The following MCU variants were observed in gnomAD, a reference collection of about 807,000 sequenced individuals.
MCU encodes calcium uniporter protein, mitochondrial.
In MCU, 12 loss-of-function variants were observed where a neutral mutation model predicts 45.2. The ratio of observed to expected loss-of-function variants is 0.27; its 90% confidence interval spans 0.17 to 0.43. The LOEUF (loss-of-function observed/expected upper bound fraction) is 0.43. Ranked by LOEUF, MCU falls within the 20% of genes least tolerant of loss-of-function variation. The probability of loss-of-function intolerance (pLI) is 1.00; values close to 1 mark genes in which losing one functional copy is unlikely to be tolerated. For missense variants in MCU, 324 were observed against 436.7 expected (o/e 0.74, Z 2.30); for synonymous variants, 160 against 165.1 (o/e 0.97, Z 0.24).
At chr10:72,876,466 G>T (rs1193827718) in intron 6 of MCU, among the ~76,000 whole-genome samples, 1 of 152,030 alleles carries the variant, frequency 6.6e-6, no homozygotes, top group East Asian at 1.9e-4. Context: ...GACTAATCTA[G>T]ACCTTTATCC....
intron 1 of MCU, among the ~76,000 whole-genome samples, chr10:72,755,559 T>G (rs879620315): frequency 2.0e-5 from 3 of 152,214 alleles, no homozygotes; most frequent in Admixed American, 6.5e-5. Context: ...GTTAAATACA[T>G]GAAGCATTTA....
In MCU at chr10:72,692,279, G is replaced by C. The variant is rs565812664; in HGVS notation, c.128G>C (p.Arg43Pro). The C allele has an allele frequency of 1.1e-3, 1,324 of 1,226,558 alleles. 12 individuals are homozygous for C. In the African/African-American group the frequency reaches 0.019, roughly 18 times the overall value. The allele number at this position is 1,226,558 out of a possible 1,614,324, so 76.0% of individuals were successfully genotyped here. A position where few individuals can be genotyped will look rare whatever the true frequency, so the allele number is the denominator to read the frequency against. Residue 43 changes from arginine (R) to proline (P), a missense_variant, in exon 1 of 8, where the codon CGG (arginine) becomes CCG (proline). Arg to Pro is a moderately radical substitution (Grantham distance 103). Coordinates refer to ENST00000373053, the MANE Select transcript of MCU (RefSeq NM_138357.3). ...CCTGGGCTGGGCGTCAGCCGCCACC[G>C]GCAGCAGCAGCACCACCGGACGGTG... The part of the protein sequence containing the change: ...CFPGLGVSRH[R>P]QQQHHRTVHQ...
intron 1 of MCU, among the ~76,000 whole-genome samples, chr10:72,826,613 G>A (rs1379142533): frequency 6.6e-6 from 1 of 152,068 alleles, no homozygotes; most frequent in Non-Finnish European, 1.5e-5. Context: ...TATCAAAAAG[G>A]GCAGCCAAAT....
chr10:72,841,184 T>G (rs1845042102), intron 2 of MCU, among the ~76,000 whole-genome samples: 1 of 152,170 alleles, frequency 6.6e-6, no homozygotes, highest in East Asian at 1.9e-4. Context: ...GTTGACACAA[T>G]TAAAGAAAAA....
At chr10:72,761,995 G>A (rs1451183110) in intron 1 of MCU, among the ~76,000 whole-genome samples, 1 of 152,114 alleles carries the variant, frequency 6.6e-6, no homozygotes, top group African/African-American at 2.4e-5. Flanking sequence ...TTTATCCAAA[G>A]TGATTTGTCC....
At chr10:72,852,037 C>G (rs1412123837) in intron 2 of MCU, among the ~76,000 whole-genome samples, 1 of 152,092 alleles carries the variant, frequency 6.6e-6, no homozygotes, top group Admixed American at 6.6e-5. Flanking sequence ...CTCACAGATT[C>G]TATCTCGTAT....
At chr10:72,715,124 A>G (rs2132665600) in intron 1 of MCU, 2 of 978,926 alleles carry the variant, frequency 2.0e-6, no homozygotes, top group Non-Finnish European at 1.2e-6. Flanking sequence ...TTTCACTACC[A>G]TTCCTACAGT....
intron 1 of MCU, among the ~76,000 whole-genome samples, chr10:72,822,898 A>G (rs576026653): frequency 6.6e-6 from 1 of 152,320 alleles, no homozygotes; most frequent in East Asian, 1.9e-4. Context: ...TGGAACCCTC[A>G]CTGTAAATGT....
intron 1 of MCU, among the ~76,000 whole-genome samples, chr10:72,742,176 A>G (rs7894575): frequency 0.053 from 8,021 of 152,090 alleles, 712 homozygotes; most frequent in African/African-American, 0.18. Context: ...TGCCTATACT[A>G]TTTGTTACAG....
At chr10:72,839,797 CAAAAAAA>C (rs758036618) in intron 2 of MCU, among the ~76,000 whole-genome samples, 3 of 96,390 alleles carry the variant, frequency 3.1e-5, no homozygotes, top group African/African-American at 7.8e-5. Context: ...ACTAAGAATA[CAAAAAAA>C]AAAAAAAAAA....
At chr10:72,699,181 G>T (rs1300656776) in intron 1 of MCU, among the ~76,000 whole-genome samples, 1 of 152,006 alleles carries the variant, frequency 6.6e-6, no homozygotes, top group African/African-American at 2.4e-5. Flanking sequence ...GGAAAACTAA[G>T]ATGTTACTGT....
chr10:72,852,866 A>T (rs1437271489), intron 2 of MCU, among the ~76,000 whole-genome samples: 1 of 152,234 alleles, frequency 6.6e-6, no homozygotes, highest in Non-Finnish European at 1.5e-5. Flanking sequence ...ATTGCCAGTA[A>T]TATAAAATGA....
At chr10:72,724,233 A>G (rs1392548579) in intron 1 of MCU, among the ~76,000 whole-genome samples, 1 of 152,220 alleles carries the variant, frequency 6.6e-6, no homozygotes, top group East Asian at 1.9e-4. Flanking sequence ...AGAAGGTATC[A>G]GAATTACTCT....
chr10:72,714,876 G>A (rs1358098127), intron 1 of MCU, among the ~76,000 whole-genome samples: 1 of 152,170 alleles, frequency 6.6e-6, no homozygotes, highest in East Asian at 1.9e-4. Context: ...TCTGGAAAAA[G>A]TATTTTAGAG....
At chr10:72,715,714 C>T (rs1482029719) in intron 1 of MCU, 1 of 177,036 alleles carries the variant, frequency 5.6e-6, no homozygotes, top group African/African-American at 2.4e-5. Context: ...GTATGGGTTT[C>T]TATGTTTATC....
At chr10:72,775,606 A>C (rs936559548) in intron 1 of MCU, among the ~76,000 whole-genome samples, 1 of 152,146 alleles carries the variant, frequency 6.6e-6, no homozygotes. Context: ...TTGTTCTTTT[A>C]AAAAGATAAC....
chr10:72,818,126 A>G (rs1229317792), intron 1 of MCU, among the ~76,000 whole-genome samples: 1 of 152,234 alleles, frequency 6.6e-6, no homozygotes, highest in East Asian at 1.9e-4. Flanking sequence ...AACAGTTGAT[A>G]ATTAAGCAAC....
intron 1 of MCU, among the ~76,000 whole-genome samples, chr10:72,811,470 T>C (rs1219286962): frequency 6.6e-6 from 1 of 152,222 alleles, no homozygotes; most frequent in Non-Finnish European, 1.5e-5. Flanking sequence ...ATCTGAATAA[T>C]AAGACTTGTT....
intron 5 of MCU, among the ~76,000 whole-genome samples, chr10:72,871,041 A>G (rs947255942): frequency 6.6e-6 from 1 of 152,064 alleles, no homozygotes; most frequent in Admixed American, 6.6e-5. Context: ...CTGGGACTAC[A>G]GGGATGTGCC....
Sources: gnomAD v4.1 joint callset for allele counts (sites outside exome capture counted in the v4.1 genomes callset) on GRCh38, gnomAD v4.1.1 for gene constraint, MANE v1.5 for transcripts, NCBI Gene and HGNC (gene_info 2026-07-23, HGNC 2026-07-21) for gene names.